The following H3-7 variants were observed in gnomAD, a reference collection of about 807,000 sequenced individuals.
H3-7 encodes the protein histone H3-7.
the H3-7 span, chr1:143,904,359 G>A: frequency 1.9e-6 from 3 of 1,582,628 alleles, no homozygotes; most frequent in East Asian, 2.3e-5. Context: ...GTTGTAGTGC[G>A]CCAGGCGGGA....
chr1:143,905,887 C>G, the H3-7 span: 2 of 1,580,126 alleles, frequency 1.3e-6, no homozygotes, highest in Middle Eastern at 1.8e-4. Flanking sequence ...CGCGCTCTTG[C>G]GGGCCGCTTT....
the H3-7 span, among the ~76,000 whole-genome samples, chr1:143,903,954 G>A: frequency 6.8e-6 from 1 of 146,312 alleles, no homozygotes; most frequent in South Asian, 2.3e-4. Context: ...ATCCCAGAAC[G>A]AGTCAAACCT....
the H3-7 span, among the ~76,000 whole-genome samples, chr1:143,903,950 G>C: frequency 6.8e-6 from 1 of 146,490 alleles, no homozygotes; most frequent in African/African-American, 2.5e-5. Flanking sequence ...AAATATCCCA[G>C]AACGAGTCAA....
the H3-7 span, chr1:143,904,279 TGGCCAGCTCGCCG>T: frequency 6.3e-7 from 1 of 1,586,272 alleles, no homozygotes; most frequent in Non-Finnish European, 8.6e-7. Flanking sequence ...ACGGCGTGCT[TGGCCAGCTCGCCG>T]GGCAGCAGCA....
chr1:143,903,547 A>AAC, the H3-7 span, among the ~76,000 whole-genome samples: 1 of 20,530 alleles, frequency 4.9e-5, no homozygotes, highest in African/African-American at 2.1e-4. Context: ...CCTCCCCCCC[A>AAC]ACACACACAC....
At chr1:143,905,465 C>A in the H3-7 span, 3 of 993,744 alleles carry the variant, frequency 3.0e-6, no homozygotes, top group South Asian at 4.9e-5. Context: ...AAGGCAGACG[C>A]ACATCAGATG....
At chr1:143,905,809 C>T in the H3-7 span, 9 of 1,582,212 alleles carry the variant, frequency 5.7e-6, 1 homozygote, top group Non-Finnish European at 7.8e-6. Context: ...CTGATAGCGC[C>T]GGATCTCCCG....
At chr1:143,905,825 C>G in the H3-7 span, 1 of 1,582,348 alleles carries the variant, frequency 6.3e-7, no homozygotes, top group Non-Finnish European at 8.7e-7. Flanking sequence ...TCCCGCAGAG[C>G]CACGGTGCCG....
chr1:143,904,349 G>A, the H3-7 span: 3 of 1,582,770 alleles, frequency 1.9e-6, no homozygotes, highest in Non-Finnish European at 2.6e-6. Flanking sequence ...TGGAGCGCTT[G>A]TTGTAGTGCG....
the H3-7 span, chr1:143,904,431 T>TA: frequency 3.9e-5 from 62 of 1,583,074 alleles, 9 homozygotes; most frequent in Non-Finnish European, 5.4e-5. Context: ...GCCCATGGTC[T>TA]TGGACGAGAT....
the H3-7 span, among the ~76,000 whole-genome samples, chr1:143,904,806 C>T: frequency 1.4e-5 from 2 of 146,102 alleles, no homozygotes; most frequent in Admixed American, 6.9e-5. Context: ...CCTTAATGGT[C>T]ACTGTAACAA....
the H3-7 span, chr1:143,904,423 C>T: frequency 6.3e-7 from 1 of 1,582,922 alleles, no homozygotes; most frequent in Non-Finnish European, 8.7e-7. Context: ...TTCATGATGC[C>T]CATGGTCTTG....
the H3-7 span, chr1:143,905,570 C>G: frequency 6.3e-7 from 1 of 1,580,736 alleles, no homozygotes; most frequent in Non-Finnish European, 8.7e-7. Flanking sequence ...GCCCGCTCCC[C>G]GCGGATGCGG....
the H3-7 span, chr1:143,904,436 C>T: frequency 3.2e-6 from 5 of 1,583,410 alleles, no homozygotes; most frequent in South Asian, 1.1e-5. Flanking sequence ...TGGTCTTGGA[C>T]GAGATGCCGG....
chr1:143,902,430 A>G, the H3-7 span, among the ~76,000 whole-genome samples: 1,146 of 146,310 alleles, frequency 7.8e-3, 68 homozygotes, highest in African/African-American at 0.027. Context: ...GAACTTCAAC[A>G]TCATAAAAAT....
At chr1:143,904,557 T>C in the H3-7 span, 2 of 1,605,760 alleles carry the variant, frequency 1.2e-6, no homozygotes, top group Non-Finnish European at 1.7e-6. Context: ...AACAGCCTTT[T>C]TGGAGCCCTT....
At chr1:143,905,758 C>T in the H3-7 span, 6 of 1,581,940 alleles carry the variant, frequency 3.8e-6, no homozygotes, top group Non-Finnish European at 4.3e-6. Flanking sequence ...GCGTACCAGC[C>T]GCTGGAAGGG....
the H3-7 span, chr1:143,905,890 G>A: frequency 3.2e-6 from 5 of 1,580,212 alleles, no homozygotes; most frequent in Non-Finnish European, 4.3e-6. Context: ...GCTCTTGCGG[G>A]CCGCTTTGGT....
chr1:143,905,537 G>A, the H3-7 span: 1 of 1,532,478 alleles, frequency 6.5e-7, no homozygotes, highest in East Asian at 2.3e-5. Context: ...CCTTTAGATC[G>A]ACCACTTAAA....
Sources: gnomAD v4.1 joint callset for allele counts (sites outside exome capture counted in the v4.1 genomes callset) on GRCh38, gnomAD v4.1.1 for gene constraint, MANE v1.5 for transcripts, NCBI Gene and HGNC (gene_info 2026-07-23, HGNC 2026-07-21) for gene names.